Variants in DIP2B observed in about 807,000 individuals in gnomAD.
The protein encoded by DIP2B is disco-interacting protein 2 homolog B.
Under a neutral mutation model 198.0 loss-of-function variants are expected in DIP2B, and 76 were observed. That is an observed-to-expected ratio of 0.38 (90% CI 0.32 to 0.46). The LOEUF (loss-of-function observed/expected upper bound fraction) is 0.46. Among genes scored for constraint, DIP2B ranks in the 20% least tolerant of loss-of-function variants. The pLI, the probability that DIP2B is intolerant of heterozygous loss-of-function variation, is 0.99. For synonymous variants in DIP2B, 701 were observed against 739.1 expected (o/e 0.95, Z 0.84); for missense variants, 1,559 against 1,978.4 (o/e 0.79, Z 4.02).
chr12:50,653,341 C>CTTTTTTTTTTTTT (rs1323702401), intron 3 of DIP2B, among the ~76,000 whole-genome samples: 42 of 70,026 alleles, frequency 6.0e-4, no homozygotes, highest in Non-Finnish European at 7.7e-4. Context: ...TTTTTTTTTT[C>CTTTTTTTTTTTTT]TTTTCTTTTT....
At chr12:50,616,593 G>T (rs925818092) in intron 1 of DIP2B, among the ~76,000 whole-genome samples, 1 of 152,092 alleles carries the variant, frequency 6.6e-6, no homozygotes, top group African/African-American at 2.4e-5. Context: ...TAAATTCTTT[G>T]GAGTCCTGTT....
In DIP2B at chr12:50,702,639, A is replaced by G. The variant is rs1939439660; in HGVS notation, c.2326-1501A>G. Among the ~76,000 whole-genome samples, 3 of 146,918 alleles carry G rather than the reference A, an allele frequency of 2.0e-5. No homozygotes were observed. In the Admixed American group the frequency reaches 2.1e-4, roughly 10 times the overall value. On this transcript the variant is annotated intron_variant, in intron 19 of 37. Coordinates refer to ENST00000301180, the MANE Select transcript of DIP2B (RefSeq NM_173602.3). ...TCTGGAGTGTGACACGGGGGATCAC[A>G]TGGGCCGAGGAGTTCAAGGCTGTAC...
intron 1 of DIP2B, among the ~76,000 whole-genome samples, chr12:50,620,078 A>G (rs55962545): frequency 0.11 from 16,330 of 152,184 alleles, 1,226 homozygotes; most frequent in Non-Finnish European, 0.16. Context: ...TTATCAAGAA[A>G]TAAAACTTGT....
chr12:50,729,225 A>G (rs1939992652), intron 30 of DIP2B, among the ~76,000 whole-genome samples: 2 of 152,202 alleles, frequency 1.3e-5, no homozygotes, highest in South Asian at 2.1e-4. Flanking sequence ...CTCAAGCTCA[A>G]CGTTCTCCTC....
intron 1 of DIP2B, among the ~76,000 whole-genome samples, chr12:50,520,303 G>A (rs909896841): frequency 2.0e-5 from 3 of 151,422 alleles, no homozygotes; most frequent in African/African-American, 4.9e-5. Flanking sequence ...TCCAAAGTGC[G>A]GGGACTACAG....
At chr12:50,614,539 G>C (rs759310889) in intron 1 of DIP2B, among the ~76,000 whole-genome samples, 9 of 152,060 alleles carry the variant, frequency 5.9e-5, no homozygotes, top group Non-Finnish European at 1.3e-4. Context: ...TTTTTGACTT[G>C]CCATATGTAA....
chr12:50,571,170 CTTTTT>C (rs71083599), intron 1 of DIP2B, among the ~76,000 whole-genome samples: 1 of 126,906 alleles, frequency 7.9e-6, no homozygotes, highest in Non-Finnish European at 1.6e-5. Flanking sequence ...TTGGCAGCCT[CTTTTT>C]TTTTTTTTTT....
chr12:50,533,485 C>G (rs1958236237), intron 1 of DIP2B, among the ~76,000 whole-genome samples: 1 of 152,100 alleles, frequency 6.6e-6, no homozygotes, highest in South Asian at 2.1e-4. Context: ...TGCATGTGTT[C>G]TCTGTAAAGT....
intron 3 of DIP2B, among the ~76,000 whole-genome samples, chr12:50,642,243 C>T (rs1938269244): frequency 6.6e-6 from 1 of 152,002 alleles, no homozygotes. Context: ...CAAGAGTTAG[C>T]CAGGGAAATA....
chr12:50,619,195 C>G (rs1937757392), intron 1 of DIP2B, among the ~76,000 whole-genome samples: 1 of 152,164 alleles, frequency 6.6e-6, no homozygotes, highest in African/African-American at 2.4e-5. Flanking sequence ...AAAAGTTATA[C>G]ATATGACTTG....
In DIP2B at chr12:50,720,496, A is replaced by G. The variant is rs568324518; in HGVS notation, c.3043-777A>G. ...GAGGAATATGTTGTGCATCTTATTGAAAAGTCGTTAAAAATCTTAAGAACC... is the reference window on the plus strand; with the variant it reads ...GAGGAATATGTTGTGCATCTTATTGGAAAGTCGTTAAAAATCTTAAGAACC... On this transcript the variant is annotated intron_variant, in intron 25 of 37. Transcript: ENST00000301180. 2.0e-5 allele frequency among the ~76,000 whole-genome samples: 3 copies of G among 152,138 alleles called. No homozygotes were observed. The South Asian group carries it at 6.2e-4, about 32-fold the overall frequency.
At position 50,505,236 on chromosome 12, in the gene DIP2B, G is replaced by C. The variant is rs1957955762; in HGVS notation, c.96G>C (p.Ser32=). 1 of 1,514,076 alleles carries C rather than the reference G, an allele frequency of 6.6e-7. No homozygotes were observed. Among genetic ancestry groups the C allele is most frequent in the Admixed American group, 2.0e-5 (1 of 49,638 alleles). The allele number at this position is 1,514,076 out of a possible 1,614,324, so 93.8% of individuals were successfully genotyped here. ...AQLAELELEL[S]EGDITQKGYE... ...TGGCGGAGCTGGAGCTGGAGCTCTC[G>C]GAGGGTAGGAGCCGGGCCGGGGAGA... The change falls in exon 1 of 38, where the codon TCG becomes TCC. Residue 32 remains serine (S), a synonymous_variant. Transcript: ENST00000301180.
chr12:50,667,150 G>A lies in DIP2B; in HGVS notation c.428-4036G>A, dbSNP rs142758969. On this transcript the variant is annotated intron_variant, in intron 4 of 37. Coordinates refer to ENST00000301180, the MANE Select transcript of DIP2B (RefSeq NM_173602.3). ...TCCCAAAGTGCTTGGGATTACAGGC[G>A]TGAGACAATGCGCCCGGCCAACATG... Among the ~76,000 whole-genome samples, 511 of 152,236 alleles carry A rather than the reference G, an allele frequency of 3.4e-3. 1 individual carries two copies. Among genetic ancestry groups the A allele is most frequent in the Middle Eastern group, 6.8e-3 (2 of 294 alleles).
At position 50,628,093 on chromosome 12, in the gene DIP2B, C is replaced by T. The variant is rs140098043; in HGVS notation, c.172+2046C>T. Among the ~76,000 whole-genome samples the T allele has an allele frequency of 8.3e-4, 126 of 152,180 alleles. 2 individuals are homozygous for T. In the Middle Eastern group the frequency reaches 0.027, roughly 33 times the overall value. ...GAGAACTTAAAAAGCAATGATGGGC[C>T]GAGCGTGGAGGCTCACGCTGTAATT... On this transcript the variant is annotated intron_variant, in intron 2 of 37. Transcript: ENST00000301180.
At chr12:50,713,352 G>A (rs1270959204) in intron 22 of DIP2B, among the ~76,000 whole-genome samples, 1 of 152,184 alleles carries the variant, frequency 6.6e-6, no homozygotes, top group African/African-American at 2.4e-5. Context: ...ATGAACAGAA[G>A]TTTTTTAGGA....
intron 2 of DIP2B, among the ~76,000 whole-genome samples, chr12:50,634,710 G>A (rs928783915): frequency 3.9e-5 from 6 of 152,112 alleles, no homozygotes; most frequent in African/African-American, 1.4e-4. Context: ...ATTGTGGCCT[G>A]TTTGTGTGTC....
rs771404002 is a variant in DIP2B, at chr12:50,660,312, ACCT to A, written c.424_426del (p.Pro142del). ...TTCAGTCTCCTGCAGATGCCTGCAC[ACCT>A]CCTGGTAGGTTTATCAGAGCTTTTT... On this transcript the variant is annotated inframe_deletion, in exon 4 of 38. Coordinates refer to ENST00000301180, the MANE Select transcript of DIP2B (RefSeq NM_173602.3). The A allele has an allele frequency of 2.1e-4, 333 of 1,603,596 alleles. No individual in the cohort carries two copies. The highest frequency in any genetic ancestry group is 6.6e-4 in the Middle Eastern group (4 of 6,034).
intron 3 of DIP2B, 60 bp downstream of exon 3, chr12:50,640,912 G>A: frequency 6.4e-7 from 1 of 1,551,878 alleles, no homozygotes; most frequent in African/African-American, 1.4e-5. Flanking sequence ...TATGAACTGT[G>A]TATCCTGAGA....
intron 1 of DIP2B, among the ~76,000 whole-genome samples, chr12:50,582,942 G>T (rs1958738470): frequency 6.6e-6 from 1 of 151,966 alleles, no homozygotes; most frequent in Non-Finnish European, 1.5e-5. Context: ...ATAACATTCT[G>T]CTTTTTGTCA....
Sources: allele counts gnomAD v4.1 joint callset (sites outside exome capture counted in the v4.1 genomes callset), GRCh38; gene constraint gnomAD v4.1.1; transcripts MANE v1.5; gene names NCBI Gene and HGNC (gene_info 2026-07-23, HGNC 2026-07-21).